Variants in ELMO1 observed in about 807,000 individuals in gnomAD.
The protein encoded by ELMO1 is engulfment and cell motility 1.
In ELMO1, 26 loss-of-function variants were observed where a neutral mutation model predicts 98.9. The observed-to-expected ratio is 0.26, with a 90% CI of 0.19 to 0.36. ELMO1 has a LOEUF of 0.36. Among genes scored for constraint, ELMO1 ranks in the 10% least tolerant of loss-of-function variants. The pLI is 1.00. For synonymous variants in ELMO1, 346 were observed against 346.0 expected (o/e 1.00, Z 0.00); for missense variants, 627 against 935.2 (o/e 0.67, Z 4.30).
At chr7:37,334,855 A>C (rs1225780247) in intron 2 of ELMO1, among the ~76,000 whole-genome samples, 2 of 152,208 alleles carry the variant, frequency 1.3e-5, no homozygotes, top group Non-Finnish European at 2.9e-5. Flanking sequence ...AAACACATGC[A>C]TCTGTGTTTC....
intron 4 of ELMO1, among the ~76,000 whole-genome samples, chr7:37,273,767 G>A (rs1213109927): frequency 6.6e-6 from 1 of 152,138 alleles, no homozygotes; most frequent in Non-Finnish European, 1.5e-5. Flanking sequence ...AATTTAAGAC[G>A]AGCCACAAGC....
At chr7:36,932,800 C>G (rs1040763953) in intron 16 of ELMO1, among the ~76,000 whole-genome samples, 6 of 152,178 alleles carry the variant, frequency 3.9e-5, no homozygotes, top group African/African-American at 1.4e-4. Flanking sequence ...TGGCAATACC[C>G]TCTGTGTGCT....
At chr7:37,404,670 T>C (rs771977080) in intron 1 of ELMO1, among the ~76,000 whole-genome samples, 123 of 152,276 alleles carry the variant, frequency 8.1e-4, no homozygotes, top group Non-Finnish European at 1.2e-3. Context: ...TTCCTCCTCT[T>C]TGTGGCAATG....
At chr7:37,075,637 CCTT>C (rs1464298151) in intron 15 of ELMO1, among the ~76,000 whole-genome samples, 1 of 152,108 alleles carries the variant, frequency 6.6e-6, no homozygotes, top group East Asian at 1.9e-4. Context: ...TCTTGTGGCT[CCTT>C]CTTATATGCA....
rs377573064 is a variant in ELMO1, at chr7:36,975,816, C to T, written c.1437+37483G>A. On this transcript the variant is annotated intron_variant, in intron 16 of 21. Coordinates refer to ENST00000310758, the MANE Select transcript of ELMO1 (RefSeq NM_014800.11). The stretch of plus-strand genomic sequence containing the variant: ...GAGCCGAGATCGTACCCCTGCACTC[C>T]AGCCTGGGCAACAGAGTGACACTTG... Among the ~76,000 whole-genome samples, 12 of 146,710 alleles carry T rather than the reference C, an allele frequency of 8.2e-5. No homozygotes were observed. In the East Asian group the frequency reaches 1.6e-3, roughly 19 times the overall value.
intron 2 of ELMO1, among the ~76,000 whole-genome samples, chr7:37,337,274 GGACAGA>G (rs943459865): frequency 3.9e-5 from 6 of 152,016 alleles, no homozygotes; most frequent in Admixed American, 1.3e-4. Context: ...ACTATCGCAG[GGACAGA>G]AAACCAAACA....
intron 16 of ELMO1, among the ~76,000 whole-genome samples, chr7:36,949,242 C>A (rs1032952470): frequency 5.3e-5 from 8 of 152,180 alleles, no homozygotes; most frequent in Non-Finnish European, 1.2e-4. Flanking sequence ...TGATGAGAGA[C>A]CCTATCACTG....
At chr7:37,053,381 A>C (rs1796224132) in intron 15 of ELMO1, among the ~76,000 whole-genome samples, 1 of 151,894 alleles carries the variant, frequency 6.6e-6, no homozygotes, top group Admixed American at 6.6e-5. Flanking sequence ...AACAATTCCA[A>C]ACATTGGTCC....
intron 13 of ELMO1, among the ~76,000 whole-genome samples, chr7:37,167,046 G>C (rs919846566): frequency 2.0e-5 from 3 of 152,044 alleles, no homozygotes; most frequent in African/African-American, 4.8e-5. Flanking sequence ...TATATATTTA[G>C]GATAGTTAGC....
chr7:37,021,545 G>C (rs1426155393), intron 15 of ELMO1, among the ~76,000 whole-genome samples: 1 of 151,996 alleles, frequency 6.6e-6, no homozygotes, highest in African/African-American at 2.4e-5. Flanking sequence ...CAGGCACACA[G>C]TTAATAAAAG....
chr7:36,987,342 C>A (rs1791582730), intron 16 of ELMO1, among the ~76,000 whole-genome samples: 1 of 152,182 alleles, frequency 6.6e-6, no homozygotes, highest in South Asian at 2.1e-4. Context: ...ACATCCTGGT[C>A]AGACTCGAGG....
At chr7:37,413,235 A>G (rs1210928329) in intron 1 of ELMO1, among the ~76,000 whole-genome samples, 1 of 151,800 alleles carries the variant, frequency 6.6e-6, no homozygotes, top group Non-Finnish European at 1.5e-5. Flanking sequence ...CCCCTTGCAC[A>G]CAAGACTTTC....
chr7:37,340,196 T>C (rs1471851573), intron 2 of ELMO1, among the ~76,000 whole-genome samples: 1 of 152,230 alleles, frequency 6.6e-6, no homozygotes, highest in African/African-American at 2.4e-5. Flanking sequence ...GATAGCATTA[T>C]ACCAGTATTC....
intron 16 of ELMO1, among the ~76,000 whole-genome samples, chr7:36,994,413 T>C (rs1792066950): frequency 1.3e-5 from 2 of 152,236 alleles, no homozygotes; most frequent in Admixed American, 1.3e-4. Flanking sequence ...GTTTTACTAA[T>C]ACAACACCAG....
intron 16 of ELMO1, among the ~76,000 whole-genome samples, chr7:37,004,063 A>C (rs1024866501): frequency 7.1e-6 from 1 of 141,524 alleles, no homozygotes; most frequent in African/African-American, 2.9e-5. Flanking sequence ...TTACAAGATA[A>C]ATATTTTTTT....
intron 16 of ELMO1, among the ~76,000 whole-genome samples, chr7:36,950,501 G>C (rs1787880306): frequency 6.6e-6 from 1 of 152,196 alleles, no homozygotes; most frequent in Admixed American, 6.5e-5. Context: ...TTCTGCTTCT[G>C]TCTTTGGTTC....
intron 16 of ELMO1, among the ~76,000 whole-genome samples, chr7:36,981,982 G>C (rs1791090261): frequency 6.6e-6 from 1 of 152,232 alleles, no homozygotes; most frequent in Non-Finnish European, 1.5e-5. Context: ...GGAATGTTCT[G>C]AGATCCTAGT....
intron 14 of ELMO1, among the ~76,000 whole-genome samples, chr7:37,104,048 A>T (rs1784806013): frequency 7.2e-6 from 1 of 139,602 alleles, no homozygotes; most frequent in Non-Finnish European, 1.6e-5. Flanking sequence ...AAAAAAGAAC[A>T]GAGAAAGGAC....
chr7:37,241,209 AAGG>A (rs978639052), intron 7 of ELMO1, among the ~76,000 whole-genome samples: 2 of 152,112 alleles, frequency 1.3e-5, no homozygotes, highest in African/African-American at 4.8e-5. Flanking sequence ...TTAAAATAAA[AAGG>A]AGGATTAAAT....
Sources: gnomAD v4.1 joint callset for allele counts (sites outside exome capture counted in the v4.1 genomes callset) on GRCh38, gnomAD v4.1.1 for gene constraint, MANE v1.5 for transcripts, NCBI Gene and HGNC (gene_info 2026-07-23, HGNC 2026-07-21) for gene names.